Variants in EHMT1 observed in about 807,000 individuals in gnomAD.
EHMT1 encodes histone-lysine N-methyltransferase EHMT1.
EHMT1 carries 15 observed loss-of-function variants against 147.2 expected under a neutral mutation model. That is an observed-to-expected ratio of 0.10 (90% CI 0.07 to 0.16). The LOEUF (loss-of-function observed/expected upper bound fraction) is 0.16, where lower values mean the gene tolerates loss of function less well. EHMT1 is among the 10% of genes least tolerant of loss of function. The pLI is 1.00. For missense variants in EHMT1, 1,587 were observed against 1,772.4 expected, an observed-to-expected ratio of 0.90 and a Z score of 1.88; for synonymous variants, 795 against 709.6, an observed-to-expected ratio of 1.12 and a Z score of -1.91.
chr9:137,777,382 CAGTTCCCTGCCTG>C (rs1168199336), intron 12 of EHMT1: 1 of 191,654 alleles, frequency 5.2e-6, no homozygotes, highest in East Asian at 1.4e-4. Context: ...TCCTTAGCAG[CAGTTCCCTGCCTG>C]AGAATAAAAT....
intron 8 of EHMT1, among the ~76,000 whole-genome samples, chr9:137,757,479 T>C (rs1949466422): frequency 6.6e-6 from 1 of 152,240 alleles, no homozygotes; most frequent in Non-Finnish European, 1.5e-5. Flanking sequence ...ATCTTTCAAA[T>C]CTGCAAGTTA....
chr9:137,825,010 C>T (rs570058391), intron 25 of EHMT1, among the ~76,000 whole-genome samples: 3 of 152,276 alleles, frequency 2.0e-5, no homozygotes, highest in South Asian at 4.1e-4. Flanking sequence ...GAAGAGGTGT[C>T]CTTACCCTGT....
intron 18 of EHMT1, among the ~76,000 whole-genome samples, chr9:137,808,143 GGA>G (rs951284633): frequency 1.3e-5 from 2 of 152,198 alleles, no homozygotes; most frequent in African/African-American, 2.4e-5. Flanking sequence ...GCCTGTAGAT[GGA>G]GAGTGTGGCC....
At chr9:137,784,981 G>A (rs755664797) in intron 15 of EHMT1, 35 of 153,742 alleles carry the variant, frequency 2.3e-4, no homozygotes, top group Admixed American at 3.9e-4. Flanking sequence ...CTTGTGGGAG[G>A]GGGTGAGGTC....
rs768030450 is a variant in EHMT1, at chr9:137,782,349, C to T, written c.2334C>T (p.His778=). ...ACCAGAATAAGCGCTCTCCACTGCA[C>T]GCCGCGGCAGAGGCTGGACACGTGG... The part of the protein sequence containing the change: ...MEHQNKRSPL[H]AAAEAGHVDI... Residue 778 remains histidine, a synonymous_variant, in exon 15 of 27, where the codon CAC becomes CAT. Transcript: ENST00000460843. This position sits in a 1 kb window ranked among gnomAD's most constrained non-coding sequence, Gnocchi z 5.7. 89 of 1,612,930 alleles carry T rather than the reference C, an allele frequency of 5.5e-5. No homozygotes were observed. The highest frequency in any genetic ancestry group is 1.2e-4 in the South Asian group (11 of 91,042).
At chr9:137,636,870 T>C (rs1477401483) in intron 1 of EHMT1, among the ~76,000 whole-genome samples, 2 of 151,754 alleles carry the variant, frequency 1.3e-5, no homozygotes, top group Admixed American at 1.3e-4. Flanking sequence ...AAAAAATTTA[T>C]TATTTTTTTT....
chr9:137,670,418 C>T (rs755867876), intron 1 of EHMT1, among the ~76,000 whole-genome samples: 37 of 152,154 alleles, frequency 2.4e-4, no homozygotes, highest in Non-Finnish European at 3.8e-4. Context: ...CTCACTTAGT[C>T]CTTGGGCCTT....
intron 2 of EHMT1, among the ~76,000 whole-genome samples, chr9:137,713,490 C>T (rs1179695695): frequency 2.6e-5 from 4 of 151,498 alleles, no homozygotes; most frequent in Non-Finnish European, 4.4e-5. Flanking sequence ...CCAGGATGGT[C>T]TCCATCTCCT....
Position 137,787,542 on chromosome 9 carries a change from C to G in EHMT1, c.2383-3306C>G. ...GGGTAGTTAGTAAACACCATGGACT[C>G]CCAGCAAGGCTGCTGCCTGGTGTTT... On this transcript the variant is annotated intron_variant, in intron 15 of 26. Coordinates refer to ENST00000460843, the MANE Select transcript of EHMT1 (RefSeq NM_024757.5). This position sits in a 1 kb window ranked among gnomAD's most constrained non-coding sequence, Gnocchi z 4.2. The G allele has an allele frequency of 2.4e-6, 1 of 412,176 alleles. No homozygotes were observed. Among genetic ancestry groups the G allele is most frequent in the South Asian group, 2.6e-5 (1 of 37,826 alleles). 25.5% of individuals were successfully genotyped at this position (412,176 alleles called of 1,614,324 possible).
intron 1 of EHMT1, among the ~76,000 whole-genome samples, chr9:137,657,726 T>C (rs1212744231): frequency 6.6e-6 from 1 of 152,068 alleles, no homozygotes; most frequent in Non-Finnish European, 1.5e-5. Flanking sequence ...TTGTTGACTC[T>C]GGTCACTTTG....
In EHMT1 at chr9:137,640,088, CTG is replaced by C. The variant is rs759560282; in HGVS notation, c.21+21042_21+21043del. Among the ~76,000 whole-genome samples, 16 of 152,228 alleles carry C rather than the reference CTG, an allele frequency of 1.1e-4. 1 individual carries two copies. The highest frequency in any genetic ancestry group is 6.2e-4 in the South Asian group (3 of 4,826). On this transcript the variant is annotated intron_variant, in intron 1 of 26. Transcript: ENST00000460843. ...TAGCTAGGATTACAGGCATGTGCCA[CTG>C]TGCCCGGCTAAGTTTTATATTTTTA... is the stretch of plus-strand genomic sequence containing the variant.
chr9:137,814,591 C>T, intron 22 of EHMT1, 83 bp downstream of exon 22: 1 of 1,493,356 alleles, frequency 6.7e-7, no homozygotes, highest in African/African-American at 1.4e-5. Flanking sequence ...CGTCTGTGAC[C>T]CCAGCGCTGT....
intron 25 of EHMT1, among the ~76,000 whole-genome samples, chr9:137,833,735 A>G (rs1956387242): frequency 6.6e-6 from 1 of 152,212 alleles, no homozygotes; most frequent in South Asian, 2.1e-4. Context: ...GGTGAGGAGG[A>G]CGCCTCAGTC....
intron 4 of EHMT1, among the ~76,000 whole-genome samples, chr9:137,739,497 A>G (rs7858302): frequency 0.5 from 73,672 of 147,726 alleles, 21,111 homozygotes; most frequent in African/African-American, 0.8. Context: ...TCCACACTTG[A>G]GTAGAAGCTG....
chr9:137,680,507 T>A (rs1478483892), intron 1 of EHMT1, among the ~76,000 whole-genome samples: 1 of 152,196 alleles, frequency 6.6e-6, no homozygotes, highest in Non-Finnish European at 1.5e-5. Flanking sequence ...ATAATTTGCA[T>A]GGAAATAAAT....
rs1249490377 is a variant in EHMT1 at position 137,835,830 on chromosome 9, C to T, written c.*877C>T. ...AACAAAGTGATTTTAGAATAAAATG[C>T]AGGAAAAACTTTTTTAAAGATGTTA... On this transcript the variant is annotated 3_prime_UTR_variant, in exon 27 of 27. Transcript: ENST00000460843. 6.6e-6 allele frequency: 1 copy of T among 152,496 alleles called. No homozygotes were observed. Among genetic ancestry groups the T allele is most frequent in the Non-Finnish European group, 1.5e-5 (1 of 68,034 alleles). The allele number at this position is 152,496 out of a possible 1,614,324, so 9.4% of individuals were successfully genotyped here.
At chr9:137,812,878 T>C (rs577255927) in intron 19 of EHMT1, 128 bp from the exon 20 acceptor site, 2 of 1,329,988 alleles carry the variant, frequency 1.5e-6, no homozygotes, top group Middle Eastern at 1.8e-4. Flanking sequence ...AGCAGACTTG[T>C]TCAAGTTATC....
chr9:137,818,290 T>C (rs554019406), intron 25 of EHMT1, 152 bp downstream of exon 25: 2 of 878,918 alleles, frequency 2.3e-6, no homozygotes, highest in Non-Finnish European at 3.7e-6. Flanking sequence ...CATTTGGAGC[T>C]GGCCTTGGTT....
intron 1 of EHMT1, among the ~76,000 whole-genome samples, chr9:137,710,066 C>G (rs10118305): frequency 1.3e-5 from 2 of 151,804 alleles, no homozygotes; most frequent in Non-Finnish European, 2.9e-5. Context: ...CCTGCTGCTG[C>G]GTCGGGAGAG....
Sources: allele counts gnomAD v4.1 joint callset (sites outside exome capture counted in the v4.1 genomes callset), GRCh38; gene constraint gnomAD v4.1.1; non-coding constraint Gnocchi (gnomAD v3.1); transcripts MANE v1.5; gene names NCBI Gene and HGNC (gene_info 2026-07-23, HGNC 2026-07-21).